The following OSBPL5 variants were observed in gnomAD, a reference collection of about 807,000 sequenced individuals.
OSBPL5 encodes the protein oxysterol binding protein like 5.
OSBPL5 carries 71 observed loss-of-function variants against 111.2 expected under a neutral mutation model. The observed-to-expected ratio is 0.64, with a 90% CI of 0.53 to 0.78. OSBPL5 has a LOEUF of 0.78. OSBPL5 is among the 30% of genes least tolerant of loss of function. The pLI is 0.00. For synonymous variants in OSBPL5, 549 were observed against 513.9 expected, an observed-to-expected ratio of 1.07 and a Z score of -0.93; for missense variants, 1,210 against 1,189.3, an observed-to-expected ratio of 1.02 and a Z score of -0.26.
At position 3,088,058 on chromosome 11, in the gene OSBPL5, T is replaced by G; in HGVS notation, c.*147A>C. On this transcript the variant is annotated 3_prime_UTR_variant, in exon 22 of 22. Coordinates refer to ENST00000263650, the MANE Select transcript of OSBPL5 (RefSeq NM_020896.4). ...CAGCACACCTGGGCCCGCAGCGCCT[T>G]GTGGCCCCGGGTCCCTCCTGCGCCT... is the stretch of plus-strand genomic sequence containing the variant. 2.7e-6 allele frequency: 2 copies of G among 734,250 alleles called. No individual in the cohort carries two copies. Among genetic ancestry groups the G allele is most frequent in the Non-Finnish European group, 4.1e-6 (2 of 492,680 alleles). 45.5% of individuals were successfully genotyped at this position (734,250 alleles called of 1,614,324 possible). A position where few individuals can be genotyped will look rare whatever the true frequency, so the allele number is the denominator to read the frequency against.
chr11:3,157,646 C>T (rs532945805), intron 1 of OSBPL5, among the ~76,000 whole-genome samples: 3 of 152,244 alleles, frequency 2.0e-5, no homozygotes, highest in Non-Finnish European at 4.4e-5. Flanking sequence ...GTGTGAGCAC[C>T]CAGCAGCCCA....
At chr11:3,094,449 C>A in intron 14 of OSBPL5, 115 bp from the exon 15 acceptor site, 1 of 749,666 alleles carries the variant, frequency 1.3e-6, no homozygotes, top group Non-Finnish European at 2.2e-6. Flanking sequence ...CAGCACCGAT[C>A]CCTGGGAGGC....
In OSBPL5 at chr11:3,162,607, C is replaced by T. The variant is rs7103789; in HGVS notation, c.-22+2609G>A. ...CTCGACCGCCAACCCTACCACTCTCCGGAGCAGCTTCACTATCTGCCCATA... is the reference window on the plus strand; with the variant it reads ...CTCGACCGCCAACCCTACCACTCTCTGGAGCAGCTTCACTATCTGCCCATA... On this transcript the variant is annotated intron_variant, in intron 1 of 21. Coordinates refer to ENST00000263650, the MANE Select transcript of OSBPL5 (RefSeq NM_020896.4). The surrounding 1 kb of genome is among the most constrained non-coding windows in gnomAD (Gnocchi z 8.1). Among the ~76,000 whole-genome samples the T allele has an allele frequency of 0.013, 1,948 of 152,042 alleles. 37 individuals carry two copies. The highest frequency in any genetic ancestry group is 0.045 in the African/African-American group (1,853 of 41,428).
chr11:3,093,105 G>A, intron 17 of OSBPL5, 53 bp from the exon 18 acceptor site: 4 of 1,447,738 alleles, frequency 2.8e-6, no homozygotes, highest in East Asian at 2.5e-5. Flanking sequence ...CCGACCCCTA[G>A]GCAGCTAGGA....
At chr11:3,115,571 G>A (rs1218099017) in intron 7 of OSBPL5, among the ~76,000 whole-genome samples, 3 of 152,204 alleles carry the variant, frequency 2.0e-5, no homozygotes, top group Non-Finnish European at 4.4e-5. Flanking sequence ...ATGTGAGATT[G>A]TAAGGGCTGA....
At chr11:3,091,901 C>T (rs1857068022) in intron 19 of OSBPL5, among the ~76,000 whole-genome samples, 1 of 152,154 alleles carries the variant, frequency 6.6e-6, no homozygotes, top group Non-Finnish European at 1.5e-5. Flanking sequence ...AGGTGCACGG[C>T]TGGGGCGGTG....
rs1258617170 is a variant in OSBPL5, at chr11:3,140,339, T to A, written c.-21-11170A>T. ...ACACACAGCCAAGCTCTCCCCTGTA[T>A]CCCTCAGGTGCTGGACAGGCAGGGT... On this transcript the variant is annotated intron_variant, in intron 1 of 21. Coordinates refer to ENST00000263650, the MANE Select transcript of OSBPL5 (RefSeq NM_020896.4). The surrounding 1 kb of genome is among the most constrained non-coding windows in gnomAD (Gnocchi z 4.5). 6.6e-6 allele frequency among the ~76,000 whole-genome samples: 1 copy of A among 152,076 alleles called. No individual in the cohort carries two copies. Among genetic ancestry groups the A allele is most frequent in the East Asian group, 1.9e-4 (1 of 5,170 alleles).
In OSBPL5 at chr11:3,088,279, G is replaced by A; in HGVS notation, c.2566C>T (p.Gln856Ter). The change falls in exon 22 of 22, where the codon CAG becomes TAG. Residue 856 changes from glutamine to a stop codon, truncating the protein, a stop_gained. Coordinates refer to ENST00000263650, the MANE Select transcript of OSBPL5 (RefSeq NM_020896.4). LOFTEE classifies it high-confidence loss of function. ...AGCAGGAACCAGGATCGGGGGCTCTGCAGGAGGCCTGGGGTCGGTGCCTGT... is the reference window on the plus strand; with the variant it reads ...AGCAGGAACCAGGATCGGGGGCTCTACAGGAGGCCTGGGGTCGGTGCCTGT... ...AAQAPTPGLLQSPRSWFLLCV... is the reference protein window; with the variant it reads ...AAQAPTPGLL The A allele has an allele frequency of 6.2e-7, 1 of 1,608,616 alleles. No individual in the cohort carries two copies. The highest frequency in any genetic ancestry group is 8.5e-7 in the Non-Finnish European group (1 of 1,177,724).
intron 1 of OSBPL5, among the ~76,000 whole-genome samples, chr11:3,164,637 C>G (rs1480459628): frequency 6.6e-6 from 1 of 152,206 alleles, no homozygotes; most frequent in African/African-American, 2.4e-5. Flanking sequence ...GAGATGGGGG[C>G]TGTGGGCAAG....
Position 3,089,826 on chromosome 11 carries a change from A to G in OSBPL5, c.2501+20T>C. 2 of 1,549,604 alleles carry G rather than the reference A, an allele frequency of 1.3e-6. No individual in the cohort carries two copies. Among genetic ancestry groups the G allele is most frequent in the South Asian group, 2.4e-5 (2 of 84,078 alleles). On this transcript the variant is annotated intron_variant, in intron 21 of 21. Transcript: ENST00000263650. ...ACTCTCTGACCCGGAGTCTGGATGGACACCCTGAGTGTGGCCCACCTGTGC... is the reference window on the plus strand; with the variant it reads ...ACTCTCTGACCCGGAGTCTGGATGGGCACCCTGAGTGTGGCCCACCTGTGC...
chr11:3,119,732 G>A, intron 6 of OSBPL5, 101 bp from the exon 7 acceptor site: 1 of 1,187,418 alleles, frequency 8.4e-7, no homozygotes, highest in East Asian at 2.9e-5. Flanking sequence ...GGGACCACCT[G>A]GACACCCCCA....
In OSBPL5 at chr11:3,120,566, A is replaced by G; in HGVS notation, c.461T>C (p.Leu154Pro). 1 of 1,613,308 alleles carries G rather than the reference A, an allele frequency of 6.2e-7. No homozygotes were observed. Among genetic ancestry groups the G allele is most frequent in the East Asian group, 2.2e-5 (1 of 44,872 alleles). The change falls in exon 6 of 22, where the codon CTG becomes CCG. Residue 154 changes from leucine to proline, a missense_variant. Leu to Pro is a moderately conservative substitution (Grantham distance 98). Coordinates refer to ENST00000263650, the MANE Select transcript of OSBPL5 (RefSeq NM_020896.4). ...KLWCVLKPGV[L>P]LIYKTPKVGQ... is the part of the protein sequence containing the mutation. Reference sequence around the variant, plus strand: ...CACCTTGGGCGTCTTGTAGATGAGCAGCACCCCCGGCTTCAGCACGCACCA... The same window carrying G: ...CACCTTGGGCGTCTTGTAGATGAGCGGCACCCCCGGCTTCAGCACGCACCA...
chr11:3,100,298 C>T, intron 13 of OSBPL5, 42 bp from the exon 14 acceptor site: 1 of 1,579,840 alleles, frequency 6.3e-7, no homozygotes. Flanking sequence ...GTGCGGACAG[C>T]CCTTTCACAT....
At chr11:3,118,967 T>A (rs1440130369) in intron 7 of OSBPL5, among the ~76,000 whole-genome samples, 4 of 151,940 alleles carry the variant, frequency 2.6e-5, no homozygotes, top group African/African-American at 9.7e-5. Flanking sequence ...TATGGGTGCT[T>A]TTATAAGGTC....
At chr11:3,123,031 G>A (rs952953240) in intron 3 of OSBPL5, among the ~76,000 whole-genome samples, 3 of 152,210 alleles carry the variant, frequency 2.0e-5, no homozygotes, top group Non-Finnish European at 4.4e-5. Flanking sequence ...CAGGGCCAAT[G>A]TACTGGTGGG....
At chr11:3,152,474 A>T (rs1846621293) in intron 1 of OSBPL5, among the ~76,000 whole-genome samples, 1 of 152,218 alleles carries the variant, frequency 6.6e-6, no homozygotes, top group Non-Finnish European at 1.5e-5. Context: ...TGGGGCCCAC[A>T]GGAGAAGGCT....
At chr11:3,137,739 G>T (rs1207375373) in intron 1 of OSBPL5, among the ~76,000 whole-genome samples, 2 of 152,208 alleles carry the variant, frequency 1.3e-5, no homozygotes, top group Non-Finnish European at 2.9e-5. Context: ...AGCCTGGGAG[G>T]TCGAGGCTGC....
intron 1 of OSBPL5, among the ~76,000 whole-genome samples, chr11:3,144,855 AC>A (rs1846286639): frequency 6.6e-6 from 1 of 152,106 alleles, no homozygotes. Flanking sequence ...ACCCCCCGGC[AC>A]CCGGATCCTC....
chr11:3,106,348 C>A lies in OSBPL5; in HGVS notation c.1059+915G>T, dbSNP rs533916786. Among the ~76,000 whole-genome samples, 1 of 152,122 alleles carries A rather than the reference C, an allele frequency of 6.6e-6. No individual in the cohort carries two copies. Among genetic ancestry groups the A allele is most frequent in the Non-Finnish European group, 1.5e-5 (1 of 68,016 alleles). Reference sequence around the variant, plus strand: ...ACGGCCTTGCTCTTGTCTCGCCTCCCGGGTGAGAATGACAAGATCCCAGAT... The same window carrying A: ...ACGGCCTTGCTCTTGTCTCGCCTCCAGGGTGAGAATGACAAGATCCCAGAT... On this transcript the variant is annotated intron_variant, in intron 9 of 21. Coordinates refer to ENST00000263650, the MANE Select transcript of OSBPL5 (RefSeq NM_020896.4). The surrounding 1 kb of genome is among the most constrained non-coding windows in gnomAD (Gnocchi z 8.4).
Sources: gnomAD v4.1 joint callset for allele counts (sites outside exome capture counted in the v4.1 genomes callset) on GRCh38, gnomAD v4.1.1 for gene constraint, Gnocchi (gnomAD v3.1) non-coding constraint, MANE v1.5 for transcripts, NCBI Gene and HGNC (gene_info 2026-07-23, HGNC 2026-07-21) for gene names.